Variants in SERPINA9 observed in about 807,000 individuals in gnomAD.
The protein encoded by SERPINA9 is serpin family A member 9.
A neutral mutation model predicts 24.5 loss-of-function variants in SERPINA9; 32 were observed. The ratio of observed to expected loss-of-function variants is 1.30; its 90% CI spans 0.98 to 1.75. SERPINA9 has a LOEUF of 1.75. SERPINA9 is among the 40% of genes most tolerant of loss of function. SERPINA9 has a pLI of 0.00. For synonymous variants in SERPINA9, 233 were observed against 197.7 expected (o/e 1.18, Z -1.50); for missense variants, 594 against 497.1 (o/e 1.19, Z -1.85).
chr14:94,464,779 G>A lies in SERPINA9; in HGVS notation c.978C>T (p.Gly326=), dbSNP rs1898918300. ...CATTTTTGTCAAAGACATTTTGGATGCCCATCTTCGGGAGGATGGTTTCCA... is the reference window on the plus strand; with the variant it reads ...CATTTTTGTCAAAGACATTTTGGATACCCATCTTCGGGAGGATGGTTTCCA... ...YNLETILPKM[G]IQNVFDKNAD... is the part of the protein sequence containing the mutation. The change falls in exon 4 of 5, where the codon GGC becomes GGT. Residue 326 remains glycine (G), a synonymous_variant. Transcript: ENST00000674397. 1 of 1,611,796 alleles carries A rather than the reference G, an allele frequency of 6.2e-7. No homozygotes were observed. The highest frequency in any genetic ancestry group is 8.5e-7 in the Non-Finnish European group (1 of 1,177,834).
At chr14:94,470,142 T>C in intron 1 of SERPINA9, 1 of 1,129,180 alleles carries the variant, frequency 8.9e-7, no homozygotes, top group African/African-American at 1.6e-5. Flanking sequence ...AAGTCAGGTC[T>C]CAAATTCCAA....
At chr14:94,475,796 A>G in intron 1 of SERPINA9, 1 of 404,258 alleles carries the variant, frequency 2.5e-6, no homozygotes, top group Non-Finnish European at 4.4e-6. Context: ...AGAAACCAAC[A>G]ACGACACAAC....
chr14:94,466,167 T>A (rs905156263), intron 3 of SERPINA9, among the ~76,000 whole-genome samples: 67 of 152,154 alleles, frequency 4.4e-4, no homozygotes, highest in African/African-American at 1.5e-3. Flanking sequence ...AGAGAAGAAA[T>A]CGCTGACACA....
rs1336843391 is a variant in SERPINA9, at chr14:94,469,502, G to A, written c.339C>T (p.Gly113=). ...TCAGTGAGTGAACCAGGTGCTGGAA[G>A]CCCTGGTGGATGGCAGACTCTGGTG... ...THTPESAIHQ[G]FQHLVHSLTV... Residue 113 remains glycine, a synonymous_variant, in exon 2 of 5, where the codon GGC becomes GGT. Coordinates refer to ENST00000674397, the MANE Select transcript of SERPINA9 (RefSeq NM_175739.4). 3 of 1,614,056 alleles carry A rather than the reference G, an allele frequency of 1.9e-6. No individual in the cohort carries two copies. Among genetic ancestry groups the A allele is most frequent in the African/African-American group, 2.7e-5 (2 of 74,930 alleles).
In SERPINA9 at chr14:94,462,799, C is replaced by T. The variant is rs936516911; in HGVS notation, c.*294G>A. On this transcript the variant is annotated 3_prime_UTR_variant, in exon 5 of 5. Transcript: ENST00000674397. ...AATAGAGGTGCCTAACCTGGGTTGG[C>T]GTATTTCCATTCCTGGGAGCCCCAA... The T allele has an allele frequency of 6.2e-5, 24 of 389,360 alleles. No individual in the cohort carries two copies. Among genetic ancestry groups the T allele is most frequent in the Admixed American group, 1.2e-4 (3 of 24,100 alleles). 24.1% of individuals were successfully genotyped at this position (389,360 alleles called of 1,614,324 possible).
In SERPINA9 at chr14:94,463,173, TC is replaced by T; in HGVS notation, c.1173del (p.Thr392ProfsTer3). Reference sequence around the variant, plus strand: ...TTATTTGTAATCATCATCAGGAAGGTCCTATTGAAGGAGACAGTGAAGTAAG... The same window carrying T: ...TTATTTGTAATCATCATCAGGAAGGTCTATTGAAGGAGACAGTGAAGTAAG... The part of the protein sequence containing the change: ...GPSYFTVSFN[R>X]TFLMMITNKA... On this transcript the variant is annotated frameshift_variant, in exon 5 of 5. Transcript: ENST00000674397. LOFTEE classifies it low-confidence loss of function (END_TRUNC). The T allele has an allele frequency of 6.2e-7, 1 of 1,614,084 alleles. No individual in the cohort carries two copies. Among genetic ancestry groups the T allele is most frequent in the Non-Finnish European group, 8.5e-7 (1 of 1,179,976 alleles).
At chr14:94,464,471 G>A in intron 4 of SERPINA9, 1 of 555,918 alleles carries the variant, frequency 1.8e-6, no homozygotes. Context: ...AGCAGGCATG[G>A]GGGAGCACCT....
chr14:94,475,298 C>G, intron 1 of SERPINA9, among the ~76,000 whole-genome samples: 1 of 152,228 alleles, frequency 6.6e-6, no homozygotes, highest in African/African-American at 2.4e-5. Flanking sequence ...AACTCATCAG[C>G]TCACTCTCCC....
At chr14:94,473,475 G>A (rs1009914169) in intron 1 of SERPINA9, among the ~76,000 whole-genome samples, 1 of 145,808 alleles carries the variant, frequency 6.9e-6, no homozygotes, top group Non-Finnish European at 1.5e-5. Context: ...GTCGAGATCA[G>A]GCCATTGCAC....
At chr14:94,475,457 C>T in intron 1 of SERPINA9, among the ~76,000 whole-genome samples, 1 of 151,956 alleles carries the variant, frequency 6.6e-6, no homozygotes, top group East Asian at 1.9e-4. Context: ...CACACACACA[C>T]ACACACTGAG....
Position 94,464,976 on chromosome 14 carries a change from G to A in SERPINA9, c.903-122C>T, listed in dbSNP as rs544569935. ...AACCACTGCTAATTTCTGCTAAAAA[G>A]GTCAACACATCCTAGCCAAGAAACC... On this transcript the variant is annotated intron_variant, in intron 3 of 4. Transcript: ENST00000674397. 280 of 823,976 alleles carry A rather than the reference G, an allele frequency of 3.4e-4. 4 individuals carry two copies. In the South Asian group the frequency reaches 5.3e-3, roughly 16 times the overall value. 51.0% of individuals were successfully genotyped at this position (823,976 alleles called of 1,614,324 possible). A position where few individuals can be genotyped will look rare whatever the true frequency, so the allele number is the denominator to read the frequency against.
intron 1 of SERPINA9, among the ~76,000 whole-genome samples, chr14:94,472,074 T>C (rs1424019509): frequency 6.6e-6 from 1 of 151,726 alleles, no homozygotes; most frequent in Non-Finnish European, 1.5e-5. Flanking sequence ...GGGGGACAGA[T>C]AGCCAGGGTC....
intron 1 of SERPINA9, among the ~76,000 whole-genome samples, chr14:94,475,621 A>G (rs1899574203): frequency 6.6e-6 from 1 of 152,190 alleles, no homozygotes; most frequent in South Asian, 2.1e-4. Flanking sequence ...AAAGCAGAGG[A>G]TCGGCCCTCC....
At position 94,463,212 on chromosome 14, in the gene SERPINA9, T is replaced by C; in HGVS notation, c.1135A>G (p.Lys379Glu). 1 of 1,614,216 alleles carries C rather than the reference T, an allele frequency of 6.2e-7. No individual in the cohort carries two copies. The highest frequency in any genetic ancestry group is 8.5e-7 in the Non-Finnish European group (1 of 1,180,026). Reference protein sequence around the residue: ...ATTTKFIVRSKDGPSYFTVSF... With the variant: ...ATTTKFIVRSEDGPSYFTVSF... ...ACAGTGAAGTAAGAGGGGCCATCCT[T>C]CGATCGGACTATGAACTTGGTGGTG... The change falls in exon 5 of 5, where the codon AAG becomes GAG. Residue 379 changes from lysine to glutamate, a missense_variant. By Grantham distance (56) the Lys-to-Glu change is moderately conservative. Coordinates refer to ENST00000674397, the MANE Select transcript of SERPINA9 (RefSeq NM_175739.4).
intron 1 of SERPINA9, among the ~76,000 whole-genome samples, chr14:94,472,496 G>A (rs972786215): frequency 2.0e-5 from 3 of 152,136 alleles, no homozygotes; most frequent in East Asian, 1.9e-4. Flanking sequence ...CTGACCACAC[G>A]CGTGCCTTTA....
chr14:94,465,546 A>T (rs78618704), intron 3 of SERPINA9, among the ~76,000 whole-genome samples: 1,690 of 54,698 alleles, frequency 0.031, 25 homozygotes, highest in African/African-American at 0.18. Context: ...TCTTTTTTTT[A>T]AGATGGAGTC....
intron 4 of SERPINA9, among the ~76,000 whole-genome samples, chr14:94,463,873 G>A (rs2896285): frequency 0.28 from 43,151 of 151,980 alleles, 6,524 homozygotes; most frequent in East Asian, 0.43. Flanking sequence ...CACTTTCCTC[G>A]AGAAAATGTC....
chr14:94,469,856 G>A lies in SERPINA9; in HGVS notation c.-16C>T, dbSNP rs1899226104. On this transcript the variant is annotated splice_region_variant and 5_prime_UTR_variant, in exon 2 of 5. Coordinates refer to ENST00000674397, the MANE Select transcript of SERPINA9 (RefSeq NM_175739.4). ...AAGATGCCATTTTGGAACAAAATAT[G>A]TCTGCAAGAGAAGTAAGAACCATTG... 8 of 1,508,436 alleles carry A rather than the reference G, an allele frequency of 5.3e-6. No homozygotes were observed. Among genetic ancestry groups the A allele is most frequent in the Non-Finnish European group, 7.1e-6 (8 of 1,129,040 alleles). The allele number at this position is 1,508,436 out of a possible 1,614,324, so 93.4% of individuals were successfully genotyped here. A position where few individuals can be genotyped will look rare whatever the true frequency, so the allele number is the denominator to read the frequency against.
Position 94,463,064 on chromosome 14 carries a change from G to A in SERPINA9, c.*29C>T. On this transcript the variant is annotated 3_prime_UTR_variant, in exon 5 of 5. Transcript: ENST00000674397. ...TTGTTATTTCTTGTGCATTAGCAAT[G>A]TGCCATCAGTTAACAGGCCATTTCC... The A allele has an allele frequency of 6.5e-7, 1 of 1,533,182 alleles. No individual in the cohort carries two copies. 95.0% of individuals were successfully genotyped at this position (1,533,182 alleles called of 1,614,324 possible).
Sources: gnomAD v4.1 joint callset for allele counts (sites outside exome capture counted in the v4.1 genomes callset) on GRCh38, gnomAD v4.1.1 for gene constraint, MANE v1.5 for transcripts, NCBI Gene and HGNC (gene_info 2026-07-23, HGNC 2026-07-21) for gene names.